The following LRCH3 variants were observed in gnomAD, a reference collection of about 807,000 sequenced individuals.
LRCH3 encodes leucine rich repeats and calponin homology domain containing 3, also known as DISP complex protein LRCH3.
LRCH3 carries 68 observed loss-of-function variants against 104.5 expected under a neutral mutation model. The ratio of observed to expected loss-of-function variants is 0.65; its 90% CI spans 0.54 to 0.80. The LOEUF is 0.80. Ranked by LOEUF, LRCH3 falls within the 30% of genes least tolerant of loss-of-function variation. The probability of loss-of-function intolerance (pLI) is 0.00; values close to 1 mark genes in which losing one functional copy is unlikely to be tolerated. For missense variants in LRCH3, 951 were observed against 953.9 expected (o/e 1.00, Z 0.04); for synonymous variants, 344 against 361.3 (o/e 0.95, Z 0.54).
rs1712498654 is a variant in LRCH3, at chr3:197,873,608, C to CCT, written c.2131-2089_2131-2088dup. 2.6e-5 allele frequency among the ~76,000 whole-genome samples: 4 copies of CCT among 152,100 alleles called. No individual in the cohort carries two copies. The South Asian group carries it at 8.3e-4, about 31-fold the overall frequency. ...AATACTTAAAAAAATTAGGCGTGCA[C>CCT]CTGCTACTCAGGAAGCTGTGGCGGG... On this transcript the variant is annotated intron_variant, in intron 19 of 20. Transcript: ENST00000425562.
rs912101612 is a variant in LRCH3 at position 197,883,289 on chromosome 3, T to C, written c.2209-252T>C. 2 of 1,267,692 alleles carry C rather than the reference T, an allele frequency of 1.6e-6. No individual in the cohort carries two copies. Among genetic ancestry groups the C allele is most frequent in the Non-Finnish European group, 1.0e-6 (1 of 1,001,524 alleles). 78.5% of individuals were successfully genotyped at this position (1,267,692 alleles called of 1,614,324 possible). A position where few individuals can be genotyped will look rare whatever the true frequency, so the allele number is the denominator to read the frequency against. On this transcript the variant is annotated intron_variant, in intron 20 of 20. Coordinates refer to ENST00000425562, the MANE Select transcript of LRCH3 (RefSeq NM_001365715.1). This position sits in a 1 kb window ranked among gnomAD's most constrained non-coding sequence, Gnocchi z 4.2. Reference sequence around the variant, plus strand: ...TTTCCCTCTGTTGTATGTATAGATATATGCTACTTGTCAATTTTCCAATTT... The same window carrying C: ...TTTCCCTCTGTTGTATGTATAGATACATGCTACTTGTCAATTTTCCAATTT...
At chr3:197,859,973 A>G (rs1740691897) in intron 15 of LRCH3, among the ~76,000 whole-genome samples, 1 of 152,134 alleles carries the variant, frequency 6.6e-6, no homozygotes, top group African/African-American at 2.4e-5. Flanking sequence ...ATCCCTCGTT[A>G]GAGCTTGCTC....
rs1428865536 is a variant in LRCH3 at position 197,883,527 on chromosome 3, G to A, written c.2209-14G>A. ...TCTTTTTTGTTTGTTTTCATGTTAC[G>A]TTGTCCCTTTCAGGAGCAATTATGT... is the stretch of plus-strand genomic sequence containing the variant. On this transcript the variant is annotated splice_polypyrimidine_tract_variant and intron_variant, in intron 20 of 20. Transcript: ENST00000425562. This position sits in a 1 kb window ranked among gnomAD's most constrained non-coding sequence, Gnocchi z 4.2. 12 of 1,532,134 alleles carry A rather than the reference G, an allele frequency of 7.8e-6. No individual in the cohort carries two copies. In the East Asian group the frequency reaches 1.5e-4, roughly 19 times the overall value. The allele number at this position is 1,532,134 out of a possible 1,614,324, so 94.9% of individuals were successfully genotyped here.
chr3:197,878,465 A>T (rs56337553), intron 20 of LRCH3, among the ~76,000 whole-genome samples: 19,496 of 152,040 alleles, frequency 0.13, 1,416 homozygotes, highest in African/African-American at 0.2. Flanking sequence ...GAAAAAAAAA[A>T]TACAGTTTTA....
At chr3:197,877,619 T>C (rs1713046783) in intron 20 of LRCH3, among the ~76,000 whole-genome samples, 1 of 152,252 alleles carries the variant, frequency 6.6e-6, no homozygotes, top group Non-Finnish European at 1.5e-5. Flanking sequence ...AGGAGTTGAC[T>C]AGGCCACAGC....
intron 4 of LRCH3, among the ~76,000 whole-genome samples, chr3:197,825,573 G>A (rs1264718777): frequency 1.1e-4 from 15 of 141,640 alleles, no homozygotes; most frequent in South Asian, 4.6e-4. Flanking sequence ...TCCGCCTCCC[G>A]GGTTCACGCC....
intron 4 of LRCH3, among the ~76,000 whole-genome samples, chr3:197,823,798 T>C (rs929727232): frequency 1.3e-5 from 2 of 152,194 alleles, no homozygotes; most frequent in African/African-American, 4.8e-5. Context: ...GACATATTTC[T>C]AACTGATATG....
At chr3:197,795,658 T>C (rs1348002762) in intron 1 of LRCH3, among the ~76,000 whole-genome samples, 2 of 150,952 alleles carry the variant, frequency 1.3e-5, no homozygotes, top group Non-Finnish European at 2.9e-5. Context: ...AATTCTTCTT[T>C]CTGCTTAAGG....
chr3:197,835,399 G>A (rs1736626222), intron 8 of LRCH3, among the ~76,000 whole-genome samples: 1 of 149,438 alleles, frequency 6.7e-6, no homozygotes, highest in African/African-American at 2.5e-5. Flanking sequence ...GGTCAGGCTT[G>A]CCTTGAACTC....
intron 4 of LRCH3, among the ~76,000 whole-genome samples, chr3:197,824,071 CTT>C (rs753577276): frequency 1.4e-5 from 2 of 146,360 alleles, no homozygotes. Context: ...ATGTTTTTTT[CTT>C]TTTTTTTTTG....
At chr3:197,837,395 A>G (rs1736976244) in intron 9 of LRCH3, among the ~76,000 whole-genome samples, 1 of 152,160 alleles carries the variant, frequency 6.6e-6, no homozygotes, top group Non-Finnish European at 1.5e-5. Flanking sequence ...TATTTTTAAA[A>G]TTCTGGCTGC....
At chr3:197,865,010 A>G (rs1741323291) in intron 15 of LRCH3, among the ~76,000 whole-genome samples, 1 of 151,982 alleles carries the variant, frequency 6.6e-6, no homozygotes, top group Non-Finnish European at 1.5e-5. Context: ...AAAAAAAGAG[A>G]GAGAGAGGGA....
At chr3:197,878,737 C>G (rs1052401366) in intron 20 of LRCH3, among the ~76,000 whole-genome samples, 1 of 152,212 alleles carries the variant, frequency 6.6e-6, no homozygotes, top group African/African-American at 2.4e-5. Context: ...TAGGTTCAAA[C>G]TAGCCTTCTG....
At chr3:197,801,712 A>G (rs930960027) in intron 1 of LRCH3, among the ~76,000 whole-genome samples, 1 of 152,186 alleles carries the variant, frequency 6.6e-6, no homozygotes, top group African/African-American at 2.4e-5. Context: ...AAGGAGGTAT[A>G]TTAGTTTTCT....
intron 15 of LRCH3, among the ~76,000 whole-genome samples, chr3:197,863,686 G>A (rs9829450): frequency 0.2 from 30,341 of 152,036 alleles, 4,750 homozygotes; most frequent in African/African-American, 0.44. Context: ...GTAACTGTTT[G>A]GCTAGTTCTT....
intron 12 of LRCH3, among the ~76,000 whole-genome samples, chr3:197,851,175 A>C (rs1047189575): frequency 4.6e-5 from 7 of 152,206 alleles, no homozygotes; most frequent in African/African-American, 1.7e-4. Context: ...ACTGAATCTT[A>C]AGTGCTGTTC....
intron 10 of LRCH3, among the ~76,000 whole-genome samples, chr3:197,845,485 A>T (rs973044182): frequency 6.6e-6 from 1 of 151,982 alleles, no homozygotes; most frequent in Non-Finnish European, 1.5e-5. Context: ...TGTTATCTGC[A>T]TTTTTGTTTT....
At chr3:197,880,851 C>T in intron 20 of LRCH3, 1 of 1,455,354 alleles carries the variant, frequency 6.9e-7, no homozygotes, top group Non-Finnish European at 9.0e-7. Flanking sequence ...GGAGGTAAAT[C>T]CTTTCTTTAT....
intron 9 of LRCH3, among the ~76,000 whole-genome samples, chr3:197,837,648 T>A (rs1168986402): frequency 1.3e-5 from 2 of 152,192 alleles, no homozygotes; most frequent in Non-Finnish European, 2.9e-5. Flanking sequence ...CATTCCTGTC[T>A]GAACATGGTA....
Sources: gnomAD v4.1 joint callset for allele counts (sites outside exome capture counted in the v4.1 genomes callset) on GRCh38, gnomAD v4.1.1 for gene constraint, Gnocchi (gnomAD v3.1) non-coding constraint, MANE v1.5 for transcripts, NCBI Gene and HGNC (gene_info 2026-07-23, HGNC 2026-07-21) for gene names.